The following PCDHGA1 variants were observed in gnomAD, a reference collection of about 807,000 sequenced individuals.
PCDHGA1 encodes the protein protocadherin gamma subfamily A, 1, also known as protocadherin gamma-A1.
Under a neutral mutation model 58.0 loss-of-function variants are expected in PCDHGA1, and 32 were observed. That is an observed-to-expected ratio of 0.55 (90% CI 0.42 to 0.74). The LOEUF (loss-of-function observed/expected upper bound fraction) is 0.74, where lower values mean the gene tolerates loss of function less well. Ranked by LOEUF, PCDHGA1 falls within the 30% of genes least tolerant of loss-of-function variation. The pLI, the probability that PCDHGA1 is intolerant of heterozygous loss-of-function variation, is 0.00. For missense variants in PCDHGA1, 1,205 were observed against 1,182.3 expected (o/e 1.02, Z -0.28); for synonymous variants, 498 against 501.1 (o/e 0.99, Z 0.08).
intron 1 of PCDHGA1, chr5:141,399,055 GA>G: frequency 7.4e-6 from 12 of 1,613,844 alleles, no homozygotes; most frequent in Non-Finnish European, 1.0e-5. Context: ...AGAGACCAAG[GA>G]ATATTCAATG....
intron 1 of PCDHGA1, chr5:141,352,329 T>C (rs1202025884): frequency 1.1e-5 from 17 of 1,613,954 alleles, no homozygotes; most frequent in Non-Finnish European, 1.4e-5. Flanking sequence ...TACCTGGTTG[T>C]GGCCTTGGCC....
chr5:141,463,904 T>C (rs1289422146), intron 1 of PCDHGA1, among the ~76,000 whole-genome samples: 3 of 152,214 alleles, frequency 2.0e-5, no homozygotes, highest in African/African-American at 4.8e-5. Context: ...TTTGTACTAA[T>C]AATATATCCT....
At chr5:141,372,970 T>C (rs866196404) in intron 1 of PCDHGA1, 1 of 680,560 alleles carries the variant, frequency 1.5e-6, no homozygotes, top group East Asian at 2.8e-5. Flanking sequence ...GAATTTCCTG[T>C]AGAATATCTG....
chr5:141,511,733 T>C lies in PCDHGA1; in HGVS notation c.*560T>C, dbSNP rs1032711521. 9 of 177,040 alleles carry C rather than the reference T, an allele frequency of 5.1e-5. No individual in the cohort carries two copies. The highest frequency in any genetic ancestry group is 8.7e-5 in the Non-Finnish European group (7 of 80,868). The allele number at this position is 177,040 out of a possible 1,614,324, so 11.0% of individuals were successfully genotyped here. ...TCCTTCCAGAGCCCAAGATCAATGC[T>C]CAAGTTTTGGAGGACATGATCACCA... On this transcript the variant is annotated 3_prime_UTR_variant, in exon 4 of 4. Transcript: ENST00000517417.
chr5:141,411,921 T>C (rs1426892834), intron 1 of PCDHGA1: 1 of 152,234 alleles, frequency 6.6e-6, no homozygotes, highest in Non-Finnish European at 1.5e-5. Context: ...TCAGTCTCTG[T>C]CTCTGATTCT....
At chr5:141,345,417 C>G (rs1306894195) in intron 1 of PCDHGA1, 1 of 1,614,100 alleles carries the variant, frequency 6.2e-7, no homozygotes, top group South Asian at 1.1e-5. Flanking sequence ...CGCCTACATT[C>G]CAGAAAACAA....
intron 1 of PCDHGA1, chr5:141,427,984 C>T (rs754620535): frequency 1.9e-6 from 3 of 1,597,494 alleles, no homozygotes; most frequent in South Asian, 1.1e-5. Context: ...GCGCTGGGGC[C>T]CGATGGCTCC....
intron 1 of PCDHGA1, chr5:141,364,905 C>T (rs1326447228): frequency 2.5e-6 from 4 of 1,613,944 alleles, no homozygotes; most frequent in African/African-American, 2.7e-5. Context: ...CAAAAGTATC[C>T]GGAGCTGGTG....
chr5:141,371,538 A>G, intron 1 of PCDHGA1: 1 of 1,613,804 alleles, frequency 6.2e-7, no homozygotes, highest in Non-Finnish European at 8.5e-7. Context: ...TAATGGAGAA[A>G]TCCTATGCCA....
At chr5:141,405,556 C>G in intron 1 of PCDHGA1, 1 of 619,826 alleles carries the variant, frequency 1.6e-6, no homozygotes, top group African/African-American at 1.8e-5. Flanking sequence ...AGTAGAGTAG[C>G]TGGGACTAGA....
intron 1 of PCDHGA1, among the ~76,000 whole-genome samples, chr5:141,425,159 G>C (rs557552439): frequency 6.6e-6 from 1 of 152,126 alleles, no homozygotes; most frequent in South Asian, 2.1e-4. Context: ...AGCATCTAGG[G>C]ATAGGATTTA....
chr5:141,393,959 T>G, intron 1 of PCDHGA1: 1 of 1,613,970 alleles, frequency 6.2e-7, no homozygotes, highest in Non-Finnish European at 8.5e-7. Flanking sequence ...ATGGTCAAGT[T>G]GTCTGTTACA....
intron 1 of PCDHGA1, chr5:141,419,335 T>C: frequency 6.2e-7 from 1 of 1,613,886 alleles, no homozygotes; most frequent in Non-Finnish European, 8.5e-7. Context: ...ACTCTCTCAT[T>C]GCCAGCGACC....
intron 1 of PCDHGA1, chr5:141,383,554 G>A (rs773842723): frequency 1.9e-6 from 3 of 1,612,524 alleles, no homozygotes; most frequent in Non-Finnish European, 2.5e-6. Context: ...TGATGGCGGC[G>A]ACCCGCCCCG....
chr5:141,375,505 G>A lies in PCDHGA1; in HGVS notation c.2421+42400G>A, dbSNP rs551956324. On this transcript the variant is annotated intron_variant, in intron 1 of 3. Coordinates refer to ENST00000517417, the MANE Select transcript of PCDHGA1 (RefSeq NM_018912.3). The stretch of plus-strand genomic sequence containing the variant: ...CCAGGGGTGCCTCCATCTTCTCTGT[G>A]AATGCACTGGACCCTGACGTGGACC... The A allele has an allele frequency of 1.5e-5, 25 of 1,613,998 alleles. 1 individual carries two copies. The South Asian group carries it at 2.7e-4, about 18-fold the overall frequency.
At chr5:141,415,079 C>A (rs1388248799) in intron 1 of PCDHGA1, 1 of 1,613,380 alleles carries the variant, frequency 6.2e-7, no homozygotes, top group Non-Finnish European at 8.5e-7. Context: ...ACGGCGCGAG[C>A]CCTGCTGGAC....
At chr5:141,422,229 G>C in intron 1 of PCDHGA1, 4 of 1,565,880 alleles carry the variant, frequency 2.6e-6, no homozygotes, top group Non-Finnish European at 3.4e-6. Flanking sequence ...CCACGACGAT[G>C]TTGATCACTG....
In PCDHGA1 at chr5:141,345,026, C is replaced by G. The variant is rs368099113; in HGVS notation, c.2421+11921C>G. ...ATGGACCAGGTCTTCTTTCAAGAGCCAAGATTCTAGTCACGGTTCTGGATG... is the reference window on the plus strand; with the variant it reads ...ATGGACCAGGTCTTCTTTCAAGAGCGAAGATTCTAGTCACGGTTCTGGATG... On this transcript the variant is annotated intron_variant, in intron 1 of 3. Transcript: ENST00000517417. The G allele has an allele frequency of 5.0e-6, 8 of 1,613,860 alleles. No homozygotes were observed. In the African/African-American group the frequency reaches 6.7e-5, roughly 13 times the overall value.
At chr5:141,419,302 C>T in intron 1 of PCDHGA1, 1 of 1,614,024 alleles carries the variant, frequency 6.2e-7, no homozygotes, top group East Asian at 2.2e-5. Context: ...ACCCAGACTT[C>T]GGGCTCAACG....
Sources: allele counts gnomAD v4.1 joint callset (sites outside exome capture counted in the v4.1 genomes callset), GRCh38; gene constraint gnomAD v4.1.1; transcripts MANE v1.5; gene names NCBI Gene and HGNC (gene_info 2026-07-23, HGNC 2026-07-21).